SLC6A13: variants seen among roughly 807,000 people sequenced by gnomAD.
SLC6A13 encodes the protein sodium- and chloride-dependent GABA transporter 2.
In SLC6A13, 69 loss-of-function variants were observed where a neutral mutation model predicts 72.9. The observed-to-expected ratio is 0.95, with a 90% confidence interval of 0.78 to 1.16. The LOEUF (loss-of-function observed/expected upper bound fraction) is 1.16. SLC6A13 is among the 50% of genes most tolerant of loss of function. The pLI, the probability that SLC6A13 is intolerant of heterozygous loss-of-function variation, is 0.00. For missense variants in SLC6A13, 735 were observed against 760.5 expected, an observed-to-expected ratio of 0.97 and a Z score of 0.39; for synonymous variants, 303 against 303.0, an observed-to-expected ratio of 1.00 and a Z score of 0.00.
At position 262,811 on chromosome 12, in the gene SLC6A13, G is replaced by T; in HGVS notation, c.-28C>A. ...AACCTTAGTGAAGCTGCTGCCAGAG[G>T]TCCAGTCAGGGGAGAAGAATTATCT... On this transcript the variant is annotated 5_prime_UTR_variant, in exon 1 of 15. Coordinates refer to ENST00000343164, the MANE Select transcript of SLC6A13 (RefSeq NM_016615.5). The T allele has an allele frequency of 4.9e-6, 2 of 406,762 alleles. No homozygotes were observed. The highest frequency in any genetic ancestry group is 1.6e-4 in the East Asian group (1 of 6,242). The allele number at this position is 406,762 out of a possible 1,614,324, so 25.2% of individuals were successfully genotyped here.
intron 2 of SLC6A13, among the ~76,000 whole-genome samples, chr12:257,540 C>G (rs190065276): frequency 1.3e-5 from 2 of 152,292 alleles, no homozygotes; most frequent in Non-Finnish European, 2.9e-5. Flanking sequence ...CCACCAGAAT[C>G]AGAGTGCTGG....
At chr12:233,822 A>C (rs1462876797) in intron 7 of SLC6A13, among the ~76,000 whole-genome samples, 2 of 152,154 alleles carry the variant, frequency 1.3e-5, no homozygotes, top group African/African-American at 4.8e-5. Context: ...GGACAGTGTC[A>C]GACACCTTAT....
intron 9 of SLC6A13, among the ~76,000 whole-genome samples, chr12:225,788 T>C (rs933719145): frequency 1.3e-5 from 2 of 152,144 alleles, no homozygotes; most frequent in Non-Finnish European, 2.9e-5. Context: ...AAAAAAATCA[T>C]ATTATTACAG....
intron 11 of SLC6A13, 43 bp from the exon 12 acceptor site, chr12:223,277 G>T: frequency 7.6e-7 from 1 of 1,321,426 alleles, no homozygotes; most frequent in Non-Finnish European, 1.1e-6. Context: ...TTATCCAGTG[G>T]AAACAGAAAG....
At chr12:226,711 C>T in intron 8 of SLC6A13, 197 bp from the exon 9 acceptor site, 2 of 556,354 alleles carry the variant, frequency 3.6e-6, no homozygotes, top group Non-Finnish European at 3.1e-6. Flanking sequence ...TCCTCGGCCC[C>T]ACCAGCCCAG....
intron 2 of SLC6A13, among the ~76,000 whole-genome samples, chr12:258,542 C>T (rs1942821371): frequency 6.6e-6 from 1 of 152,176 alleles, no homozygotes. Flanking sequence ...CCTCCAGTCC[C>T]GGCTGCAGTC....
intron 4 of SLC6A13, among the ~76,000 whole-genome samples, chr12:239,158 AC>A (rs1942062061): frequency 1.4e-5 from 2 of 147,340 alleles, no homozygotes; most frequent in South Asian, 4.3e-4. Context: ...TACCACGTCC[AC>A]CCTGTTCCCT....
In SLC6A13 at chr12:227,669, C is replaced by T; in HGVS notation, c.832-1G>A. ...TCTGGGTGCCTGCATCCATCCACAC[C>T]TACAAAGGGGAAGGGCAAGAAAGGT... On this transcript the variant is annotated splice_acceptor_variant, in intron 7 of 14. Coordinates refer to ENST00000343164, the MANE Select transcript of SLC6A13 (RefSeq NM_016615.5). LOFTEE classifies it high-confidence loss of function. The T allele has an allele frequency of 6.3e-7, 1 of 1,598,610 alleles. No individual in the cohort carries two copies.
intron 4 of SLC6A13, among the ~76,000 whole-genome samples, chr12:239,685 T>G (rs757895986): frequency 5.3e-5 from 8 of 152,190 alleles, no homozygotes; most frequent in Non-Finnish European, 1.2e-4. Context: ...GGTGGGGTCT[T>G]TGTTTTTGTT....
rs201579126 is a variant in SLC6A13, at chr12:224,072, G to A, written c.1231C>T (p.Arg411Cys). Residue 411 changes from arginine to cysteine, a missense_variant, in exon 11 of 15, where the codon CGC becomes TGC. Arg to Cys is a radical substitution (Grantham distance 180, BLOSUM62 -3). Transcript: ENST00000343164. ...ALVDMYPHVF[R>C]KKNRREVLIL... is the part of the protein sequence containing the mutation. ...AGGACTTCCCTCCGGTTCTTCTTGC[G>A]GAACACGTGAGGGTACATGTCCACC... is the stretch of plus-strand genomic sequence containing the variant. 1.1e-4 allele frequency: 183 copies of A among 1,614,122 alleles called. 1 individual carries two copies. The highest frequency in any genetic ancestry group is 4.7e-4 in the South Asian group (43 of 91,086).
chr12:222,732 A>T (rs1941266133), intron 12 of SLC6A13, 100 bp from the exon 13 acceptor site: 2 of 684,904 alleles, frequency 2.9e-6, no homozygotes. Flanking sequence ...GCAGGGACCC[A>T]TAAAGAGATG....
chr12:220,935 A>C lies in SLC6A13; in HGVS notation c.*13T>G, dbSNP rs764056223. On this transcript the variant is annotated 3_prime_UTR_variant, in exon 15 of 15. Transcript: ENST00000343164. ...AAGGCCAGGCACACAGGCACCATCC[A>C]AGGGCCTGCCCCCTAGCAGTGAGAC... The C allele has an allele frequency of 1.9e-6, 3 of 1,611,416 alleles. No individual in the cohort carries two copies. Among genetic ancestry groups the C allele is most frequent in the Non-Finnish European group, 2.5e-6 (3 of 1,179,810 alleles).
Position 238,009 on chromosome 12 carries a change from T to TTC in SLC6A13, c.479-1_479dup (p.His161AsnfsTer13), listed in dbSNP as rs1308990401. Reference sequence around the variant, plus strand: ...TGGTCTTCTGGAACTCCATACAGTGTTCTACCCATGGGTCACGAGGAGGGA... The same window carrying TTC: ...TGGTCTTCTGGAACTCCATACAGTGTTCTCTACCCATGGGTCACGAGGAGGGA... On this transcript the variant is annotated frameshift_variant and splice_region_variant, in exon 5 of 15. Transcript: ENST00000343164. LOFTEE classifies it high-confidence loss of function. 1 of 1,613,398 alleles carries TTC rather than the reference T, an allele frequency of 6.2e-7. No individual in the cohort carries two copies. The highest frequency in any genetic ancestry group is 2.2e-5 in the East Asian group (1 of 44,884).
At position 254,025 on chromosome 12, in the gene SLC6A13, C is replaced by T. The variant is rs369224020; in HGVS notation, c.202+5826G>A. ...CAGTCCTATGACCAGAACCCTCTCC[C>T]GCTACCTTCTTCCCACATCACGCCT... On this transcript the variant is annotated intron_variant, in intron 2 of 14. Transcript: ENST00000343164. The surrounding 1 kb of genome is among the most constrained non-coding windows in gnomAD (Gnocchi z 4.4). 3.9e-5 allele frequency among the ~76,000 whole-genome samples: 6 copies of T among 152,230 alleles called. No homozygotes were observed. Among genetic ancestry groups the T allele is most frequent in the East Asian group, 3.9e-4 (2 of 5,194 alleles).
At chr12:243,567 G>T in intron 3 of SLC6A13, 112 bp downstream of exon 3, 1 of 1,064,348 alleles carries the variant, frequency 9.4e-7, no homozygotes, top group Non-Finnish European at 1.4e-6. Context: ...TTAGCATAGA[G>T]ACTCGGGATC....
At chr12:228,892 A>T (rs1941588647) in intron 7 of SLC6A13, among the ~76,000 whole-genome samples, 1 of 152,162 alleles carries the variant, frequency 6.6e-6, no homozygotes, top group Non-Finnish European at 1.5e-5. Context: ...TTCCTGGGTG[A>T]TCCTAATGGT....
At chr12:237,543 C>T (rs1286630940) in intron 5 of SLC6A13, among the ~76,000 whole-genome samples, 2 of 151,454 alleles carry the variant, frequency 1.3e-5, no homozygotes, top group African/African-American at 4.8e-5. Context: ...CCTATGTTTC[C>T]AACCAGGGTT....
chr12:235,921 C>T (rs1941914283), intron 6 of SLC6A13, among the ~76,000 whole-genome samples: 1 of 152,124 alleles, frequency 6.6e-6, no homozygotes, highest in South Asian at 2.1e-4. Flanking sequence ...CTGAGATATG[C>T]CCTGGTCTCC....
chr12:259,048 G>A (rs1159647585), intron 2 of SLC6A13: 1 of 149,732 alleles, frequency 6.7e-6, no homozygotes, highest in Non-Finnish European at 1.5e-5. Context: ...GAACAGTTTG[G>A]TTATCAACGT....
Sources: gnomAD v4.1 joint callset for allele counts (sites outside exome capture counted in the v4.1 genomes callset) on GRCh38, gnomAD v4.1.1 for gene constraint, Gnocchi (gnomAD v3.1) non-coding constraint, MANE v1.5 for transcripts, NCBI Gene and HGNC (gene_info 2026-07-23, HGNC 2026-07-21) for gene names.